NPAS3: variants seen among roughly 807,000 people sequenced by gnomAD.
NPAS3 encodes the protein neuronal PAS domain-containing protein 3.
In NPAS3, 14 loss-of-function variants were observed where a neutral mutation model predicts 73.1. That is an observed-to-expected ratio of 0.19 (90% confidence interval 0.13 to 0.30). The LOEUF (loss-of-function observed/expected upper bound fraction) is 0.30, where lower values mean the gene tolerates loss of function less well. Among genes scored for constraint, NPAS3 ranks in the 10% least tolerant of loss-of-function variants. The pLI is 1.00. For missense variants in NPAS3, 1,096 were observed against 1,250.0 expected (o/e 0.88, Z 1.86); for synonymous variants, 620 against 541.5 (o/e 1.14, Z -2.01).
chr14:33,089,354 A>C (rs1350904683), intron 2 of NPAS3, among the ~76,000 whole-genome samples: 1 of 152,246 alleles, frequency 6.6e-6, no homozygotes, highest in East Asian at 1.9e-4. Flanking sequence ...TGATGAATGC[A>C]CAAGCCTCAG....
intron 2 of NPAS3, among the ~76,000 whole-genome samples, chr14:33,174,382 C>G (rs1402951685): frequency 6.6e-6 from 1 of 152,180 alleles, no homozygotes; most frequent in Non-Finnish European, 1.5e-5. Flanking sequence ...CTATTTACTT[C>G]TAATGTGAGA....
intron 4 of NPAS3, among the ~76,000 whole-genome samples, chr14:33,547,010 G>A (rs2054876556): frequency 6.6e-6 from 1 of 152,180 alleles, no homozygotes; most frequent in Admixed American, 6.5e-5. Flanking sequence ...AAAATCTAGT[G>A]GAGAGGAGCA....
intron 4 of NPAS3, among the ~76,000 whole-genome samples, chr14:33,438,937 C>A (rs756763099): frequency 2.6e-5 from 4 of 152,098 alleles, no homozygotes; most frequent in Non-Finnish European, 5.9e-5. Context: ...AGTGACATAC[C>A]TACATTTATG....
intron 4 of NPAS3, among the ~76,000 whole-genome samples, chr14:33,483,239 G>A (rs945481933): frequency 2.0e-5 from 3 of 152,172 alleles, no homozygotes; most frequent in African/African-American, 7.2e-5. Flanking sequence ...CCATCTTTGA[G>A]TGGCTCAGCT....
At chr14:33,503,644 A>G (rs1256103075) in intron 4 of NPAS3, among the ~76,000 whole-genome samples, 1 of 151,920 alleles carries the variant, frequency 6.6e-6, no homozygotes, top group Non-Finnish European at 1.5e-5. Flanking sequence ...ATTGAGCCTC[A>G]TTAAAAATGT....
intron 2 of NPAS3, among the ~76,000 whole-genome samples, chr14:33,207,527 T>A (rs530201434): frequency 6.6e-6 from 1 of 152,280 alleles, no homozygotes; most frequent in Admixed American, 6.5e-5. Flanking sequence ...CATTCATTTA[T>A]CCTCAAGAAT....
intron 3 of NPAS3, among the ~76,000 whole-genome samples, chr14:33,285,907 T>C (rs1357548176): frequency 6.6e-6 from 1 of 152,200 alleles, no homozygotes; most frequent in Non-Finnish European, 1.5e-5. Context: ...ACTGAATTTG[T>C]TGCACTCTGC....
At chr14:32,947,289 A>G (rs2036300586) in intron 1 of NPAS3, among the ~76,000 whole-genome samples, 2 of 152,130 alleles carry the variant, frequency 1.3e-5, no homozygotes, top group South Asian at 4.1e-4. Context: ...AACTTCATTC[A>G]GAAGCACTTT....
intron 4 of NPAS3, among the ~76,000 whole-genome samples, chr14:33,405,445 T>C (rs1408263431): frequency 6.6e-6 from 1 of 152,060 alleles, no homozygotes; most frequent in Non-Finnish European, 1.5e-5. Flanking sequence ...TTTTGACTAA[T>C]ACAAATAACA....
intron 4 of NPAS3, among the ~76,000 whole-genome samples, chr14:33,462,241 C>T (rs78433969): frequency 0.01 from 1,577 of 152,246 alleles, 28 homozygotes; most frequent in African/African-American, 0.035. Context: ...CCTTTCTGGA[C>T]GCAGTTCCTT....
chr14:33,273,028 G>A (rs2041166757), intron 3 of NPAS3, among the ~76,000 whole-genome samples: 1 of 152,110 alleles, frequency 6.6e-6, no homozygotes, highest in Admixed American at 6.6e-5. Flanking sequence ...AATTGCTGTT[G>A]CCACCTGTGG....
At chr14:33,301,537 G>A (rs977960544) in intron 3 of NPAS3, among the ~76,000 whole-genome samples, 3 of 151,822 alleles carry the variant, frequency 2.0e-5, no homozygotes, top group Non-Finnish European at 4.4e-5. Context: ...TACTCCACCA[G>A]ACCTCCCAAA....
intron 2 of NPAS3, among the ~76,000 whole-genome samples, chr14:33,097,486 G>A (rs1397550863): frequency 6.6e-6 from 1 of 151,764 alleles, no homozygotes; most frequent in Non-Finnish European, 1.5e-5. Context: ...GTGTAGATAT[G>A]AACATTGTTG....
At chr14:33,532,123 G>A (rs2054073891) in intron 4 of NPAS3, among the ~76,000 whole-genome samples, 1 of 152,102 alleles carries the variant, frequency 6.6e-6, no homozygotes, top group Non-Finnish European at 1.5e-5. Context: ...CTCAGTGGTG[G>A]CCAATATAAA....
At chr14:33,316,990 T>G (rs192082883) in intron 3 of NPAS3, among the ~76,000 whole-genome samples, 32 of 152,196 alleles carry the variant, frequency 2.1e-4, no homozygotes, top group African/African-American at 7.0e-4. Context: ...CTTCTAAAAT[T>G]CTGTAATTTC....
At chr14:33,487,900 A>AGT (rs2051690611) in intron 4 of NPAS3, among the ~76,000 whole-genome samples, 1 of 152,142 alleles carries the variant, frequency 6.6e-6, no homozygotes, top group African/African-American at 2.4e-5. Flanking sequence ...ATTATTTCTG[A>AGT]TACACTTATA....
chr14:33,753,723 T>C, intron 7 of NPAS3, among the ~76,000 whole-genome samples: 1 of 152,178 alleles, frequency 6.6e-6, no homozygotes, highest in Non-Finnish European at 1.5e-5. Context: ...AGGCAAACAC[T>C]ATGAGAACAC....
chr14:33,044,332 A>C, intron 1 of NPAS3, among the ~76,000 whole-genome samples: 1 of 152,158 alleles, frequency 6.6e-6, no homozygotes, highest in Middle Eastern at 3.2e-3. Context: ...TTACTGTGAT[A>C]CATTTGAACC....
rs114218031 is a variant in NPAS3, at chr14:33,795,082, C to A, written c.1301+1038C>A. On this transcript the variant is annotated intron_variant, in intron 10 of 11. Coordinates refer to ENST00000356141, the Ensembl canonical transcript of NPAS3. ...CCAAGTGGAGCTGGGAAGCTAACAA[C>A]CATGGCTCATCAGCACACTGGCCCT... Among the ~76,000 whole-genome samples, 1,292 of 152,322 alleles carry A rather than the reference C, an allele frequency of 8.5e-3. 12 individuals carry two copies. The highest frequency in any genetic ancestry group is 0.03 in the African/African-American group (1,226 of 41,558).
Sources: gnomAD v4.1 joint callset for allele counts (sites outside exome capture counted in the v4.1 genomes callset) on GRCh38, gnomAD v4.1.1 for gene constraint, MANE v1.5 for transcripts, NCBI Gene and HGNC (gene_info 2026-07-23, HGNC 2026-07-21) for gene names.